ADARB2: variants seen among roughly 807,000 people sequenced by gnomAD.
The protein encoded by ADARB2 is adenosine deaminase RNA specific B2 (inactive).
A neutral mutation model predicts 62.2 loss-of-function variants in ADARB2; 25 were observed. That is an observed-to-expected ratio of 0.40 (90% confidence interval 0.29 to 0.56). The LOEUF (loss-of-function observed/expected upper bound fraction) is 0.56, where lower values mean the gene tolerates loss of function less well. Among genes scored for constraint, ADARB2 ranks in the 20% least tolerant of loss-of-function variants. The probability of loss-of-function intolerance (pLI) is 0.43; values close to 1 mark genes in which losing one functional copy is unlikely to be tolerated. For missense variants in ADARB2, 1,071 were observed against 1,077.4 expected, an observed-to-expected ratio of 0.99 and a Z score of 0.08; for synonymous variants, 572 against 500.8, an observed-to-expected ratio of 1.14 and a Z score of -1.90.
chr10:1,544,404 G>GGCAGGCTTCTCAGGA (rs1832487807), intron 1 of ADARB2, among the ~76,000 whole-genome samples: 1 of 152,228 alleles, frequency 6.6e-6, no homozygotes, highest in Admixed American at 6.5e-5. Context: ...CTTGGCCCAG[G>GGCAGGCTTCTCAGGA]GCAGGCTTCT....
intron 3 of ADARB2, among the ~76,000 whole-genome samples, chr10:1,286,655 G>A: frequency 6.6e-6 from 1 of 152,098 alleles, no homozygotes; most frequent in East Asian, 1.9e-4. Flanking sequence ...ACCACTACGG[G>A]GCAATTGGGG....
intron 1 of ADARB2, among the ~76,000 whole-genome samples, chr10:1,497,944 T>G (rs1314436774): frequency 1.3e-5 from 2 of 151,930 alleles, no homozygotes; most frequent in East Asian, 3.9e-4. Context: ...ATAACTCAGT[T>G]TTAGAGGTAG....
chr10:1,522,796 C>G (rs1332272042), intron 1 of ADARB2, among the ~76,000 whole-genome samples: 3 of 152,198 alleles, frequency 2.0e-5, no homozygotes, highest in African/African-American at 7.2e-5. Context: ...CAGAATACTT[C>G]CGAGGTCCTC....
At chr10:1,268,663 A>T (rs1052026350) in intron 4 of ADARB2, among the ~76,000 whole-genome samples, 4 of 152,232 alleles carry the variant, frequency 2.6e-5, no homozygotes, top group Non-Finnish European at 5.9e-5. Flanking sequence ...GTATCTAAAA[A>T]TGTTTGTATT....
In ADARB2 at chr10:1,712,811, G is replaced by T. The variant is rs369355567; in HGVS notation, c.100+24240C>A. Among the ~76,000 whole-genome samples the T allele has an allele frequency of 8.2e-3, 1,251 of 151,882 alleles. 18 individuals are homozygous for T. The highest frequency in any genetic ancestry group is 0.028 in the African/African-American group (1,179 of 41,408). On this transcript the variant is annotated intron_variant, in intron 1 of 9. Coordinates refer to ENST00000381312, the MANE Select transcript of ADARB2 (RefSeq NM_018702.4). ...TTTTTAGTAGAGACAGGGTTTCACC[G>T]TGTTAGTCAGGATGGTCTTAATCTC...
intron 1 of ADARB2, among the ~76,000 whole-genome samples, chr10:1,487,198 T>G (rs192854526): frequency 5.9e-5 from 9 of 152,350 alleles, no homozygotes; most frequent in African/African-American, 1.9e-4. Flanking sequence ...CATCTACGAC[T>G]GGGTGAGACT....
At chr10:1,685,200 G>A (rs1011210744) in intron 1 of ADARB2, among the ~76,000 whole-genome samples, 2 of 152,200 alleles carry the variant, frequency 1.3e-5, no homozygotes, top group African/African-American at 4.8e-5. Context: ...ATGTGTGTTG[G>A]TGAGTGCGTG....
chr10:1,260,265 C>G (rs1831123331), intron 4 of ADARB2, among the ~76,000 whole-genome samples: 1 of 152,142 alleles, frequency 6.6e-6, no homozygotes, highest in African/African-American at 2.4e-5. Flanking sequence ...CCTCTCTCAC[C>G]ACTCCTATTC....
chr10:1,554,891 GC>G (rs1832678160), intron 1 of ADARB2, among the ~76,000 whole-genome samples: 1 of 152,010 alleles, frequency 6.6e-6, no homozygotes. Context: ...CTGTCCCCCT[GC>G]CCCCTCCCAG....
intron 6 of ADARB2, among the ~76,000 whole-genome samples, chr10:1,225,923 G>A (rs570239861): frequency 5.9e-5 from 9 of 151,960 alleles, no homozygotes; most frequent in East Asian, 1.9e-4. Context: ...TCTTTGTGGC[G>A]TTCTCTGTAT....
chr10:1,227,438 C>T (rs1302076763), intron 6 of ADARB2, among the ~76,000 whole-genome samples: 4 of 152,206 alleles, frequency 2.6e-5, no homozygotes, highest in Admixed American at 2.6e-4. Flanking sequence ...TGGCACTCCC[C>T]AGTGAGATGA....
rs748027216 is a variant in ADARB2 at position 1,373,311 on chromosome 10, GAC to G, written c.187+5761_187+5762del. 6.9e-3 allele frequency among the ~76,000 whole-genome samples: 1,041 copies of G among 150,444 alleles called. 17 individuals are homozygous for G. Among genetic ancestry groups the G allele is most frequent in the African/African-American group, 0.023 (963 of 40,994 alleles). ...TGTCTCTACCCCTGTTTCTGTCTCT[GAC>G]ACACACACACACACCCACCCACACA... On this transcript the variant is annotated intron_variant, in intron 2 of 9. Transcript: ENST00000381312.
chr10:1,616,622 T>G (rs899975166), intron 1 of ADARB2, among the ~76,000 whole-genome samples: 3 of 145,400 alleles, frequency 2.1e-5, no homozygotes, highest in Non-Finnish European at 4.5e-5. Context: ...GGTTGCATTC[T>G]GTCGCTAGAT....
At chr10:1,433,208 A>G (rs1213630591) in intron 1 of ADARB2, among the ~76,000 whole-genome samples, 1 of 152,198 alleles carries the variant, frequency 6.6e-6, no homozygotes. Context: ...TGGGATAGCC[A>G]GGACCACAGC....
chr10:1,515,241 A>C (rs1831993829), intron 1 of ADARB2, among the ~76,000 whole-genome samples: 1 of 152,226 alleles, frequency 6.6e-6, no homozygotes, highest in Non-Finnish European at 1.5e-5. Context: ...CCACAGCAGC[A>C]CAGAGCAGGG....
intron 1 of ADARB2, among the ~76,000 whole-genome samples, chr10:1,684,005 T>A (rs1172827827): frequency 6.6e-6 from 1 of 152,184 alleles, no homozygotes; most frequent in Non-Finnish European, 1.5e-5. Context: ...CACACTAGTG[T>A]GGATGCCTGT....
At chr10:1,546,491 G>A (rs1832522990) in intron 1 of ADARB2, among the ~76,000 whole-genome samples, 1 of 152,202 alleles carries the variant, frequency 6.6e-6, no homozygotes, top group South Asian at 2.1e-4. Flanking sequence ...GAGGAGAAAT[G>A]GTGAGGAGAT....
At chr10:1,277,333 G>A (rs867388650) in intron 3 of ADARB2, among the ~76,000 whole-genome samples, 1 of 151,998 alleles carries the variant, frequency 6.6e-6, no homozygotes, top group Admixed American at 6.6e-5. Context: ...TTTTTTGAAA[G>A]GATCAACAAA....
chr10:1,707,663 A>G (rs969231420), intron 1 of ADARB2, among the ~76,000 whole-genome samples: 1 of 152,198 alleles, frequency 6.6e-6, no homozygotes, highest in African/African-American at 2.4e-5. Context: ...TGGGTTAACC[A>G]CTATACAGGG....
Sources: allele counts gnomAD v4.1 joint callset (sites outside exome capture counted in the v4.1 genomes callset), GRCh38; gene constraint gnomAD v4.1.1; transcripts MANE v1.5; gene names NCBI Gene and HGNC (gene_info 2026-07-23, HGNC 2026-07-21).